Variants in TTC29 observed in about 807,000 individuals in gnomAD.
The protein encoded by TTC29 is tetratricopeptide repeat protein 29.
In TTC29, 49 loss-of-function variants were observed where a neutral mutation model predicts 58.1. That is an observed-to-expected ratio of 0.84 (90% CI 0.67 to 1.07). The LOEUF (loss-of-function observed/expected upper bound fraction) is 1.07, where lower values mean the gene tolerates loss of function less well. TTC29 is among the 50% of genes least tolerant of loss of function. The probability of loss-of-function intolerance (pLI) is 0.00; values close to 1 mark genes in which losing one functional copy is unlikely to be tolerated. For missense variants in TTC29, 582 were observed against 555.6 expected (o/e 1.05, Z -0.48); for synonymous variants, 209 against 196.8 (o/e 1.06, Z -0.52).
At chr4:146,833,293 A>G (rs1323911003) in intron 9 of TTC29, among the ~76,000 whole-genome samples, 2 of 152,198 alleles carry the variant, frequency 1.3e-5, no homozygotes, top group African/African-American at 4.8e-5. Flanking sequence ...CAGGTATCAG[A>G]AGTTGTTCAT....
intron 6 of TTC29, among the ~76,000 whole-genome samples, chr4:146,882,936 C>A: frequency 7.8e-6 from 1 of 128,818 alleles, no homozygotes; most frequent in East Asian, 2.0e-4. Flanking sequence ...CTAGCTGCTG[C>A]TCTCTCTCTC....
intron 6 of TTC29, among the ~76,000 whole-genome samples, chr4:146,880,492 A>G (rs1731553139): frequency 6.6e-6 from 1 of 152,192 alleles, no homozygotes; most frequent in African/African-American, 2.4e-5. Flanking sequence ...TAGAATGTTA[A>G]GACAAACACG....
chr4:146,855,373 C>G (rs1263837767), intron 8 of TTC29, among the ~76,000 whole-genome samples: 1 of 151,964 alleles, frequency 6.6e-6, no homozygotes, highest in Non-Finnish European at 1.5e-5. Flanking sequence ...GTGGAGGTTG[C>G]AGTGGGCAGA....
At chr4:146,922,498 G>GT (rs1734661522) in intron 4 of TTC29, among the ~76,000 whole-genome samples, 1 of 151,670 alleles carries the variant, frequency 6.6e-6, no homozygotes, top group Non-Finnish European at 1.5e-5. Context: ...TATAATTATA[G>GT]TAACAGCTAA....
chr4:146,750,548 C>T (rs928232745), intron 11 of TTC29, among the ~76,000 whole-genome samples: 2 of 151,852 alleles, frequency 1.3e-5, no homozygotes, highest in Admixed American at 1.3e-4. Context: ...AAGAAATGTA[C>T]AATATAAAAT....
chr4:146,824,312 G>C (rs1003749380), intron 9 of TTC29, among the ~76,000 whole-genome samples: 1 of 152,144 alleles, frequency 6.6e-6, no homozygotes, highest in African/African-American at 2.4e-5. Flanking sequence ...TTAACATGAA[G>C]GGGTGTTGTA....
chr4:146,737,584 T>G, intron 11 of TTC29, among the ~76,000 whole-genome samples: 1 of 55,100 alleles, frequency 1.8e-5, no homozygotes, highest in African/African-American at 6.2e-5. Context: ...CTGATGCTAG[T>G]AGCCCTGGGG....
intron 6 of TTC29, 144 bp from the exon 7 acceptor site, chr4:146,875,072 C>A: frequency 1.5e-6 from 1 of 669,536 alleles, no homozygotes; most frequent in Non-Finnish European, 2.5e-6. Context: ...ATGAATTAAA[C>A]TGGGAAAGGA....
chr4:146,867,121 C>T (rs1730611057), intron 8 of TTC29, among the ~76,000 whole-genome samples: 1 of 152,142 alleles, frequency 6.6e-6, no homozygotes. Flanking sequence ...TCTGTGTGTG[C>T]AAAATTTCCC....
chr4:146,763,142 T>C (rs934406817), intron 11 of TTC29, among the ~76,000 whole-genome samples: 1 of 152,100 alleles, frequency 6.6e-6, no homozygotes, highest in African/African-American at 2.4e-5. Context: ...CAAGGCTCTT[T>C]AGCCACACTG....
At chr4:146,753,494 C>T (rs893802352) in intron 11 of TTC29, among the ~76,000 whole-genome samples, 2 of 152,106 alleles carry the variant, frequency 1.3e-5, no homozygotes, top group African/African-American at 4.8e-5. Context: ...TTCGGTGTGG[C>T]GATTCCTCAG....
intron 11 of TTC29, among the ~76,000 whole-genome samples, chr4:146,766,072 T>G (rs1747297047): frequency 6.6e-6 from 1 of 152,080 alleles, no homozygotes; most frequent in African/African-American, 2.4e-5. Context: ...TTTACTCGGA[T>G]TCACAGTGTC....
chr4:146,773,600 A>G (rs979097445), intron 11 of TTC29, among the ~76,000 whole-genome samples: 1 of 152,070 alleles, frequency 6.6e-6, no homozygotes, highest in Non-Finnish European at 1.5e-5. Context: ...CTACTTGATC[A>G]TAGATTAGTT....
intron 9 of TTC29, among the ~76,000 whole-genome samples, chr4:146,827,064 G>A (rs1415648436): frequency 2.0e-5 from 3 of 151,956 alleles, no homozygotes; most frequent in East Asian, 1.9e-4. Flanking sequence ...TTAGCTCATC[G>A]TAGTTTTTTA....
At chr4:146,885,578 CT>C (rs1302982432) in intron 6 of TTC29, among the ~76,000 whole-genome samples, 1 of 152,016 alleles carries the variant, frequency 6.6e-6, no homozygotes, top group Non-Finnish European at 1.5e-5. Context: ...AATCATCTGT[CT>C]AGTGCTCAGG....
chr4:146,792,815 C>T (rs1041545187), intron 11 of TTC29, among the ~76,000 whole-genome samples: 1 of 152,010 alleles, frequency 6.6e-6, no homozygotes, highest in African/African-American at 2.4e-5. Context: ...CCATTAAGAA[C>T]ATTTATGATC....
At chr4:146,770,123 A>G (rs963389325) in intron 11 of TTC29, among the ~76,000 whole-genome samples, 2 of 151,990 alleles carry the variant, frequency 1.3e-5, no homozygotes, top group African/African-American at 2.4e-5. Flanking sequence ...ACTTTAGAAA[A>G]AAAAAATTTC....
intron 6 of TTC29, among the ~76,000 whole-genome samples, chr4:146,883,456 C>A (rs12650351): frequency 2.0e-5 from 3 of 151,500 alleles, no homozygotes; most frequent in African/African-American, 7.3e-5. Flanking sequence ...ATAGGGAATA[C>A]CCCTGTTAAA....
Position 146,833,843 on chromosome 4 carries a change from C to A in TTC29, c.940G>T (p.Gly314Trp). 2 of 1,613,298 alleles carry A rather than the reference C, an allele frequency of 1.2e-6. No individual in the cohort carries two copies. The highest frequency in any genetic ancestry group is 2.2e-5 in the South Asian group (2 of 91,058). ...TTGGCTATGGCTTCATAGCCTCTCC[C>A]CAGACTGAGATCATCATCCAGGTCT... The part of the protein sequence containing the change: ...STDLDDDLSL[G>W]RGYEAIAKVL... The change falls in exon 9 of 13, where the codon GGG (glycine) becomes TGG (tryptophan). Residue 314 changes from glycine to tryptophan, a missense_variant. Physicochemically the swap from Gly to Trp is radical, Grantham distance 184 (BLOSUM62 -2). Coordinates refer to ENST00000325106, the MANE Select transcript of TTC29 (RefSeq NM_031956.4).
Sources: allele counts gnomAD v4.1 joint callset (sites outside exome capture counted in the v4.1 genomes callset), GRCh38; gene constraint gnomAD v4.1.1; transcripts MANE v1.5; gene names NCBI Gene and HGNC (gene_info 2026-07-23, HGNC 2026-07-21).